LRSAM1: variants seen among roughly 807,000 people sequenced by gnomAD.
LRSAM1 encodes the protein E3 ubiquitin-protein ligase LRSAM1.
A neutral mutation model predicts 118.1 loss-of-function variants in LRSAM1; 96 were observed. That is an observed-to-expected ratio of 0.81 (90% CI 0.69 to 0.96). The LOEUF (loss-of-function observed/expected upper bound fraction) is 0.96. Ranked by LOEUF, LRSAM1 falls within the 40% of genes least tolerant of loss-of-function variation. LRSAM1 has a pLI of 0.00. For synonymous variants in LRSAM1, 322 were observed against 364.2 expected, an observed-to-expected ratio of 0.88 and a Z score of 1.32; for missense variants, 804 against 915.5, an observed-to-expected ratio of 0.88 and a Z score of 1.57.
At chr9:127,501,348 C>T (rs1490461932) in intron 25 of LRSAM1, among the ~76,000 whole-genome samples, 1 of 152,074 alleles carries the variant, frequency 6.6e-6, no homozygotes, top group Non-Finnish European at 1.5e-5. Flanking sequence ...GGACCTTTTT[C>T]TTTTTGTTCC....
At chr9:127,494,256 C>A (rs753217318) in intron 21 of LRSAM1, among the ~76,000 whole-genome samples, 4 of 152,216 alleles carry the variant, frequency 2.6e-5, no homozygotes, top group Non-Finnish European at 5.9e-5. Flanking sequence ...CCAGGAGGGG[C>A]CCGCAAAGGG....
At chr9:127,459,215 G>GA (rs1201851400) in intron 7 of LRSAM1, 144 bp downstream of exon 7, 11 of 742,382 alleles carry the variant, frequency 1.5e-5, no homozygotes, top group Non-Finnish European at 2.4e-5. Flanking sequence ...TGGCCCTTTG[G>GA]GGTTTTTTTT....
intron 20 of LRSAM1, 27 bp downstream of exon 20, chr9:127,491,322 T>A: frequency 6.3e-7 from 1 of 1,588,162 alleles, no homozygotes; most frequent in South Asian, 1.1e-5. Context: ...GCCCCTGCCC[T>A]CCTTCACGTG....
At chr9:127,454,709 C>G (rs1834451589) in intron 3 of LRSAM1, 110 bp downstream of exon 3, 4 of 1,158,802 alleles carry the variant, frequency 3.5e-6, no homozygotes, top group Non-Finnish European at 5.1e-6. Context: ...TCTGCCTCCC[C>G]CACCCACAGA....
rs1456199283 is a variant in LRSAM1, at chr9:127,483,039, A to T, written c.1159+19A>T. On this transcript the variant is annotated intron_variant, in intron 16 of 25. Coordinates refer to ENST00000300417, the MANE Select transcript of LRSAM1 (RefSeq NM_001005373.4). ...GTTGCCTGTGAGTTTTGGGATGGGG[A>T]GCTTGTGAGCACGCTGCCTGCTGGC... 3 of 1,606,304 alleles carry T rather than the reference A, an allele frequency of 1.9e-6. No homozygotes were observed. In the Admixed American group the frequency reaches 5.1e-5, roughly 27 times the overall value.
chr9:127,482,161 G>A (rs976058030), intron 15 of LRSAM1, among the ~76,000 whole-genome samples: 1 of 46,104 alleles, frequency 2.2e-5, no homozygotes, highest in Non-Finnish European at 4.3e-5. Flanking sequence ...TTTTTTTTTT[G>A]AGACGGAGTC....
rs1835523046 is a variant in LRSAM1 at position 127,481,194 on chromosome 9, GC to G, written c.1056del (p.Ser353ProfsTer4). ...GATTTTCTCCACAGACAAAAGAAAA[GC>G]TCCGAGATTTTGAAATCGCTGGAAA... ...LLQDNQRQKK[S>X]SEILKSLENE... is the part of the protein sequence containing the mutation. On this transcript the variant is annotated frameshift_variant, in exon 15 of 26. Coordinates refer to ENST00000300417, the MANE Select transcript of LRSAM1 (RefSeq NM_001005373.4). LOFTEE classifies it high-confidence loss of function. 1 of 1,613,762 alleles carries G rather than the reference GC, an allele frequency of 6.2e-7. No individual in the cohort carries two copies. The highest frequency in any genetic ancestry group is 8.5e-7 in the Non-Finnish European group (1 of 1,179,986).
In LRSAM1 at chr9:127,467,774, C is replaced by T. The variant is rs138830549; in HGVS notation, c.563C>T (p.Pro188Leu). 67 of 1,610,880 alleles carry T rather than the reference C, an allele frequency of 4.2e-5. No homozygotes were observed. The highest frequency in any genetic ancestry group is 2.2e-4 in the East Asian group (10 of 44,802). The change falls in exon 10 of 26, where the codon CCG becomes CTG. Residue 188 changes from proline to leucine, a missense_variant. Pro to Leu is a moderately conservative substitution (Grantham distance 98). Coordinates refer to ENST00000300417, the MANE Select transcript of LRSAM1 (RefSeq NM_001005373.4). ...LSLDASAMVY[P>L]PREVCGAGTA... Reference sequence around the variant, plus strand: ...CTTGACGCCTCGGCCATGGTCTACCCGCCGCGGGAGGTGTGTGGTGCCGGC... The same window carrying T: ...CTTGACGCCTCGGCCATGGTCTACCTGCCGCGGGAGGTGTGTGGTGCCGGC...
At chr9:127,480,460 G>T (rs985093452) in intron 14 of LRSAM1, among the ~76,000 whole-genome samples, 1 of 152,144 alleles carries the variant, frequency 6.6e-6, no homozygotes, top group African/African-American at 2.4e-5. Flanking sequence ...TCTAGTGAGG[G>T]GGCCCATTGC....
chr9:127,477,873 C>A (rs1170759444), intron 11 of LRSAM1, among the ~76,000 whole-genome samples: 1 of 151,996 alleles, frequency 6.6e-6, no homozygotes, highest in East Asian at 1.9e-4. Flanking sequence ...TATGGTGAAA[C>A]CCTGTCTCTA....
intron 20 of LRSAM1, among the ~76,000 whole-genome samples, chr9:127,492,235 A>C (rs995055621): frequency 6.6e-6 from 1 of 152,222 alleles, no homozygotes; most frequent in Non-Finnish European, 1.5e-5. Flanking sequence ...CTGAGCTAGC[A>C]AGGGAAAGCC....
intron 23 of LRSAM1, 131 bp downstream of exon 23, chr9:127,496,226 C>A: frequency 2.2e-6 from 3 of 1,347,192 alleles, no homozygotes; most frequent in South Asian, 1.4e-5. Context: ...GGCCACCTTG[C>A]TTCCAGATGG....
intron 11 of LRSAM1, 65 bp from the exon 12 acceptor site, chr9:127,478,869 G>A: frequency 1.9e-6 from 3 of 1,558,376 alleles, no homozygotes; most frequent in Non-Finnish European, 2.7e-6. Flanking sequence ...GGGGTTCCTG[G>A]TGCCCATGCC....
At position 127,502,951 on chromosome 9, in the gene LRSAM1, G is replaced by T. The variant is rs769490948; in HGVS notation, c.*52G>T. On this transcript the variant is annotated 3_prime_UTR_variant, in exon 26 of 26. Coordinates refer to ENST00000300417, the MANE Select transcript of LRSAM1 (RefSeq NM_001005373.4). ...CCTAGCCCTGCCTCGGCCACTGTGA[G>T]CCCCGGGCTCCTGCTCAGCCTTGTG... 1 of 1,554,396 alleles carries T rather than the reference G, an allele frequency of 6.4e-7. No homozygotes were observed. The highest frequency in any genetic ancestry group is 1.2e-5 in the South Asian group (1 of 84,744).
chr9:127,489,769 C>T (rs1051801677), intron 19 of LRSAM1, among the ~76,000 whole-genome samples: 4 of 152,222 alleles, frequency 2.6e-5, no homozygotes, highest in African/African-American at 9.6e-5. Context: ...GGGTCTCCAC[C>T]ACGCCTGGGC....
rs1276411983 is a variant in LRSAM1, at chr9:127,451,976, C to T, written c.-141C>T. 6.6e-6 allele frequency: 1 copy of T among 152,290 alleles called. No individual in the cohort carries two copies. Among genetic ancestry groups the T allele is most frequent in the East Asian group, 1.9e-4 (1 of 5,196 alleles). 9.4% of individuals were successfully genotyped at this position (152,290 alleles called of 1,614,324 possible). ...GACTCCGGCTCCGCCCGGCCCGTGC[C>T]GGGTGGTCTGCGGCCCCGAGTCCGT... On this transcript the variant is annotated 5_prime_UTR_variant, in exon 2 of 26. Transcript: ENST00000300417.
intron 7 of LRSAM1, among the ~76,000 whole-genome samples, 159 bp from the exon 8 acceptor site, chr9:127,461,014 C>T (rs1269984967): frequency 6.6e-6 from 1 of 151,956 alleles, no homozygotes; most frequent in Non-Finnish European, 1.5e-5. Context: ...TGCCACCATG[C>T]CCAGCTAATT....
chr9:127,456,889 A>T (rs1834540489), intron 5 of LRSAM1, among the ~76,000 whole-genome samples: 1 of 151,940 alleles, frequency 6.6e-6, no homozygotes, highest in South Asian at 2.1e-4. Context: ...AAGAAAAGGA[A>T]AAATAGCAGT....
intron 20 of LRSAM1, among the ~76,000 whole-genome samples, chr9:127,491,824 C>T (rs573327552): frequency 2.6e-5 from 4 of 152,350 alleles, no homozygotes; most frequent in South Asian, 4.1e-4. Context: ...GGACTGGATG[C>T]CTGGGAGCCG....
Sources: allele counts gnomAD v4.1 joint callset (sites outside exome capture counted in the v4.1 genomes callset), GRCh38; gene constraint gnomAD v4.1.1; transcripts MANE v1.5; gene names NCBI Gene and HGNC (gene_info 2026-07-23, HGNC 2026-07-21).